COL15A1: variants seen among roughly 807,000 people sequenced by gnomAD.
COL15A1 encodes the protein collagen alpha-1(XV) chain.
A neutral mutation model predicts 165.9 loss-of-function variants in COL15A1; 111 were observed. The observed-to-expected ratio is 0.67, with a 90% confidence interval of 0.57 to 0.78. The LOEUF (loss-of-function observed/expected upper bound fraction) is 0.78. Ranked by LOEUF, COL15A1 falls within the 30% of genes least tolerant of loss-of-function variation. The probability of loss-of-function intolerance (pLI) is 0.00; values close to 1 mark genes in which losing one functional copy is unlikely to be tolerated. For synonymous variants in COL15A1, 659 were observed against 674.8 expected, an observed-to-expected ratio of 0.98 and a Z score of 0.36; for missense variants, 1,745 against 1,789.7, an observed-to-expected ratio of 0.98 and a Z score of 0.45.
At chr9:98,949,886 T>C (rs1837650822) in intron 2 of COL15A1, among the ~76,000 whole-genome samples, 2 of 152,240 alleles carry the variant, frequency 1.3e-5, no homozygotes, top group African/African-American at 2.4e-5. Context: ...AACTACTTTC[T>C]GCCTCTATGG....
intron 36 of COL15A1, among the ~76,000 whole-genome samples, chr9:99,060,256 A>T (rs67625386): frequency 0.38 from 51,532 of 136,714 alleles, 10,177 homozygotes; most frequent in East Asian, 0.67. Flanking sequence ...ATATATATAT[A>T]TTTTTTTTTT....
intron 2 of COL15A1, among the ~76,000 whole-genome samples, chr9:98,947,184 G>C (rs1224108482): frequency 6.6e-6 from 1 of 152,120 alleles, no homozygotes; most frequent in Non-Finnish European, 1.5e-5. Flanking sequence ...CAAATGAGGT[G>C]TATCCATTTA....
intron 9 of COL15A1, among the ~76,000 whole-genome samples, chr9:99,010,619 C>T (rs1588513519): frequency 1.3e-5 from 2 of 152,284 alleles, no homozygotes; most frequent in Non-Finnish European, 1.5e-5. Context: ...CTTCTGTCGG[C>T]GGGAACACTT....
intron 5 of COL15A1, 71 bp downstream of exon 5, chr9:98,989,329 CCA>C: frequency 7.9e-7 from 1 of 1,264,816 alleles, no homozygotes; most frequent in South Asian, 1.3e-5. Flanking sequence ...TAGAGGGGGC[CCA>C]GAGTCCTGGG....
At chr9:99,049,066 G>C (rs186183570) in intron 28 of COL15A1, among the ~76,000 whole-genome samples, 30 of 152,242 alleles carry the variant, frequency 2.0e-4, no homozygotes, top group Admixed American at 1.9e-3. Flanking sequence ...CCTTCATTTA[G>C]AGTGATCAAT....
rs935641126 is a variant in COL15A1, at chr9:98,961,287, A to T, written c.100+17037A>T. ...TAGTCTAATGGGGGACATTGATGCTAAATAAAGGATTGTACAAAAAGACTC... is the reference window on the plus strand; with the variant it reads ...TAGTCTAATGGGGGACATTGATGCTTAATAAAGGATTGTACAAAAAGACTC... On this transcript the variant is annotated intron_variant, in intron 2 of 41. Transcript: ENST00000375001. Among the ~76,000 whole-genome samples, 174 of 152,358 alleles carry T rather than the reference A, an allele frequency of 1.1e-3. 1 individual carries two copies. Among genetic ancestry groups the T allele is most frequent in the African/African-American group, 4.0e-3 (165 of 41,584 alleles).
At chr9:98,979,089 T>C (rs1838189444) in intron 2 of COL15A1, among the ~76,000 whole-genome samples, 1 of 152,236 alleles carries the variant, frequency 6.6e-6, no homozygotes, top group South Asian at 2.1e-4. Flanking sequence ...TGGATTTCGT[T>C]GTGTGAACCT....
intron 29 of COL15A1, 23 bp from the exon 30 acceptor site, chr9:99,049,831 T>C: frequency 6.2e-7 from 1 of 1,614,166 alleles, no homozygotes; most frequent in Non-Finnish European, 8.5e-7. Context: ...TGACCTCACC[T>C]CTCTTGTTCT....
rs775282439 is a variant in COL15A1, at chr9:98,985,693, C to T, written c.229C>T (p.Arg77Cys). The change falls in exon 3 of 42, where the codon CGC becomes TGC. Residue 77 changes from arginine (R) to cysteine (C), a missense_variant. Arg to Cys is a radical substitution (Grantham distance 180). Transcript: ENST00000375001. ...TTTCGGGCCTGGTGCCAATGTTGGC[C>T]GCCCAGCCAGGACTCTCATCCCATC... is the stretch of plus-strand genomic sequence containing the variant. ...YSFGPGANVG[R>C]PARTLIPSTF... The T allele has an allele frequency of 1.8e-5, 29 of 1,614,118 alleles. No individual in the cohort carries two copies. The highest frequency in any genetic ancestry group is 5.3e-5 in the African/African-American group (4 of 74,944).
chr9:98,959,751 T>C (rs914121508), intron 2 of COL15A1, among the ~76,000 whole-genome samples: 3 of 152,192 alleles, frequency 2.0e-5, no homozygotes, highest in Admixed American at 1.3e-4. Context: ...CATCTCTCTG[T>C]CCTCTAGCAT....
In COL15A1 at chr9:98,996,987, C is replaced by G. The variant is rs767643996; in HGVS notation, c.858C>G (p.Pro286=). Residue 286 remains proline (P), a synonymous_variant, in exon 6 of 42, where the codon CCC becomes CCG. Transcript: ENST00000375001. ...ACACACCTCCAACTCCATCCTCCCC[C>G]TTTGAAGACATGGAACTTTCTGGTG... The part of the protein sequence containing the change: ...PINTPPTPSS[P]FEDMELSGEP... 4.5e-5 allele frequency: 72 copies of G among 1,614,114 alleles called. No homozygotes were observed. Among genetic ancestry groups the G allele is most frequent in the Non-Finnish European group, 5.8e-5 (68 of 1,180,052 alleles).
intron 16 of COL15A1, among the ~76,000 whole-genome samples, chr9:99,029,994 C>A (rs1246191730): frequency 6.6e-6 from 1 of 151,698 alleles, no homozygotes; most frequent in Non-Finnish European, 1.5e-5. Context: ...ATCAGTATTA[C>A]AAACAGCAGA....
At chr9:98,959,917 C>T (rs1205836028) in intron 2 of COL15A1, among the ~76,000 whole-genome samples, 1 of 152,238 alleles carries the variant, frequency 6.6e-6, no homozygotes, top group Non-Finnish European at 1.5e-5. Flanking sequence ...CATCCCTCCC[C>T]GTACCCTGGC....
At chr9:99,048,036 TC>T in intron 28 of COL15A1, 36 bp downstream of exon 28, 1 of 1,192,220 alleles carries the variant, frequency 8.4e-7, no homozygotes, top group Non-Finnish European at 1.2e-6. Context: ...GAGGTTGGTG[TC>T]CAGAGAGGGT....
intron 2 of COL15A1, among the ~76,000 whole-genome samples, chr9:98,976,699 G>A (rs1838146643): frequency 6.6e-6 from 1 of 152,242 alleles, no homozygotes; most frequent in Non-Finnish European, 1.5e-5. Flanking sequence ...AACACTTCCT[G>A]AGGACCTGCT....
chr9:99,069,963 A>G lies in COL15A1; in HGVS notation c.*77A>G, dbSNP rs2118034485. The stretch of plus-strand genomic sequence containing the variant: ...TTGACACTGAAATCTAAAATGTTTA[A>G]TTGTTGTAAATATTACAGTTTTTTT... On this transcript the variant is annotated 3_prime_UTR_variant, in exon 42 of 42. Coordinates refer to ENST00000375001, the MANE Select transcript of COL15A1 (RefSeq NM_001855.5). 6.0e-6 allele frequency: 7 copies of G among 1,174,038 alleles called. No homozygotes were observed. The South Asian group carries it at 1.1e-4, about 18-fold the overall frequency. 72.7% of individuals were successfully genotyped at this position (1,174,038 alleles called of 1,614,324 possible). A position where few individuals can be genotyped will look rare whatever the true frequency, so the allele number is the denominator to read the frequency against.
At chr9:99,004,160 G>A (rs1052216444) in intron 8 of COL15A1, among the ~76,000 whole-genome samples, 28 of 152,194 alleles carry the variant, frequency 1.8e-4, no homozygotes, top group Admixed American at 6.5e-5. Context: ...GAAGTGGGGA[G>A]TCACTGAAGG....
rs888362616 is a variant in COL15A1 at position 99,000,889 on chromosome 9, G to T, written c.1003G>T (p.Gly335Cys). 6.2e-7 allele frequency: 1 copy of T among 1,607,434 alleles called. No individual in the cohort carries two copies. The highest frequency in any genetic ancestry group is 8.5e-7 in the Non-Finnish European group (1 of 1,174,162). ...ACTGGAGGGGGTTCATTCTGTGGAT[G>T]GTGACCCCATTACTGACAGCGGCTC... is the stretch of plus-strand genomic sequence containing the variant. ...DTLEGVHSVDGDPITDSGSGA... is the reference protein window; with the variant it reads ...DTLEGVHSVDCDPITDSGSGA... The change falls in exon 7 of 42, where the codon GGT (glycine) becomes TGT (cysteine). Residue 335 changes from glycine to cysteine, a missense_variant. Gly to Cys is a radical substitution (Grantham distance 159). Transcript: ENST00000375001.
rs759814381 is a variant in COL15A1, at chr9:99,003,604, G to A, written c.1200+17G>A. ...GTCACTCCAGTAAGTAGCTCAGAGC[G>A]CAAGCTCCCCTTCACCTGTGTCTGG... On this transcript the variant is annotated intron_variant, in intron 8 of 41. Transcript: ENST00000375001. 19 of 1,462,112 alleles carry A rather than the reference G, an allele frequency of 1.3e-5. No individual in the cohort carries two copies. Among genetic ancestry groups the A allele is most frequent in the South Asian group, 6.0e-5 (4 of 67,098 alleles). 90.6% of individuals were successfully genotyped at this position (1,462,112 alleles called of 1,614,324 possible).
Sources: allele counts gnomAD v4.1 joint callset (sites outside exome capture counted in the v4.1 genomes callset), GRCh38; gene constraint gnomAD v4.1.1; transcripts MANE v1.5; gene names NCBI Gene and HGNC (gene_info 2026-07-23, HGNC 2026-07-21).